The following SLAIN1 variants were observed in gnomAD, a reference collection of about 807,000 sequenced individuals.
SLAIN1 encodes the protein SLAIN family member 1.
Under a neutral mutation model 55.4 loss-of-function variants are expected in SLAIN1, and 17 were observed. That is an observed-to-expected ratio of 0.31 (90% confidence interval 0.21 to 0.46). The LOEUF (loss-of-function observed/expected upper bound fraction) is 0.46. SLAIN1 is among the 20% of genes least tolerant of loss of function. The probability of loss-of-function intolerance (pLI) is 1.00; values close to 1 mark genes in which losing one functional copy is unlikely to be tolerated. For missense variants in SLAIN1, 682 were observed against 785.1 expected, an observed-to-expected ratio of 0.87 and a Z score of 1.57; for synonymous variants, 348 against 337.4, an observed-to-expected ratio of 1.03 and a Z score of -0.35.
chr13:77,719,410 T>G (rs1212449487), intron 1 of SLAIN1, 122 bp from the exon 2 acceptor site: 1 of 607,838 alleles, frequency 1.6e-6, no homozygotes, highest in Non-Finnish European at 2.7e-6. Context: ...TTCTGATACT[T>G]TGAAGTCATC....
chr13:77,724,388 G>A (rs2154409815), intron 2 of SLAIN1, among the ~76,000 whole-genome samples: 1 of 152,242 alleles, frequency 6.6e-6, no homozygotes, highest in African/African-American at 2.4e-5. Context: ...ATAGAACAGA[G>A]GATGTCAAAA....
chr13:77,708,275 A>G (rs1369209915), intron 1 of SLAIN1, among the ~76,000 whole-genome samples: 1 of 152,218 alleles, frequency 6.6e-6, no homozygotes, highest in African/African-American at 2.4e-5. Context: ...AAAGGACTCT[A>G]TCAAAAAAAG....
chr13:77,708,703 A>G (rs2091114788), intron 1 of SLAIN1, among the ~76,000 whole-genome samples: 1 of 152,206 alleles, frequency 6.6e-6, no homozygotes, highest in Non-Finnish European at 1.5e-5. Flanking sequence ...ACAAACAGAA[A>G]GGAATAGCAT....
At chr13:77,716,827 G>C (rs775253611) in intron 1 of SLAIN1, among the ~76,000 whole-genome samples, 1 of 152,052 alleles carries the variant, frequency 6.6e-6, no homozygotes, top group Non-Finnish European at 1.5e-5. Context: ...AATAAAGACA[G>C]ATTTACTTGT....
chr13:77,720,024 A>G (rs1015609873), intron 2 of SLAIN1, among the ~76,000 whole-genome samples: 1 of 152,108 alleles, frequency 6.6e-6, no homozygotes, highest in Non-Finnish European at 1.5e-5. Flanking sequence ...TCTAAGGCAG[A>G]AAACAGGATT....
At chr13:77,738,943 A>G (rs17777017) in intron 2 of SLAIN1, among the ~76,000 whole-genome samples, 2,850 of 152,132 alleles carry the variant, frequency 0.019, 35 homozygotes, top group Middle Eastern at 0.031. Flanking sequence ...GCCTTCTTGC[A>G]TGGTTTTCCA....
At chr13:77,705,987 A>G (rs1300167664) in intron 1 of SLAIN1, among the ~76,000 whole-genome samples, 1 of 152,048 alleles carries the variant, frequency 6.6e-6, no homozygotes, top group Non-Finnish European at 1.5e-5. Flanking sequence ...TAGCACCTCA[A>G]CAGTTTTATC....
In SLAIN1 at chr13:77,746,654, C is replaced by G. The variant is rs1258416248; in HGVS notation, c.1057C>G (p.His353Asp). The change falls in exon 4 of 7, where the codon CAT becomes GAT. Residue 353 changes from histidine (H) to aspartate (D), a missense_variant. Physicochemically the swap from His to Asp is moderately conservative, Grantham distance 81. Coordinates refer to ENST00000418532, the MANE Select transcript of SLAIN1 (RefSeq NM_001242868.2). ...YSLEDEEEFD[H>D]LPPPQPRLPR... is the part of the protein sequence containing the mutation. The stretch of plus-strand genomic sequence containing the variant: ...TCTGGAGGATGAAGAGGAATTTGAT[C>G]ATTTGCCACCACCTCAGCCTCGTCT... 6.2e-7 allele frequency: 1 copy of G among 1,613,734 alleles called. No individual in the cohort carries two copies. The highest frequency in any genetic ancestry group is 1.7e-5 in the Admixed American group (1 of 59,944).
chr13:77,701,643 G>A (rs946551964), intron 1 of SLAIN1, among the ~76,000 whole-genome samples: 2 of 152,002 alleles, frequency 1.3e-5, no homozygotes, highest in Non-Finnish European at 2.9e-5. Flanking sequence ...CTTGAATGTT[G>A]CCTTAATACT....
At chr13:77,700,053 A>G (rs2091015692) in intron 1 of SLAIN1, among the ~76,000 whole-genome samples, 1 of 152,196 alleles carries the variant, frequency 6.6e-6, no homozygotes, top group South Asian at 2.1e-4. Flanking sequence ...GGGGAGATAT[A>G]TGGGATCAGT....
chr13:77,748,479 C>T (rs998868067), intron 4 of SLAIN1, among the ~76,000 whole-genome samples: 2 of 140,874 alleles, frequency 1.4e-5, no homozygotes, highest in Non-Finnish European at 3.0e-5. Context: ...GCTAGCTCTG[C>T]ATCTTGATTG....
chr13:77,705,096 A>T (rs1352121259), intron 1 of SLAIN1, among the ~76,000 whole-genome samples: 1 of 151,622 alleles, frequency 6.6e-6, no homozygotes, highest in Non-Finnish European at 1.5e-5. Flanking sequence ...TTGTGTGTAT[A>T]CATATGTGAC....
Position 77,698,841 on chromosome 13 carries a change from G to A in SLAIN1, c.626+302G>A. 6.7e-7 allele frequency: 1 copy of A among 1,487,454 alleles called. No individual in the cohort carries two copies. Among genetic ancestry groups the A allele is most frequent in the African/African-American group, 1.4e-5 (1 of 72,092 alleles). The allele number at this position is 1,487,454 out of a possible 1,614,324, so 92.1% of individuals were successfully genotyped here. A position where few individuals can be genotyped will look rare whatever the true frequency, so the allele number is the denominator to read the frequency against. On this transcript the variant is annotated intron_variant, in intron 1 of 6. Coordinates refer to ENST00000418532, the MANE Select transcript of SLAIN1 (RefSeq NM_001242868.2). The surrounding 1 kb of genome is among the most constrained non-coding windows in gnomAD (Gnocchi z 4.1). ...TTGTTGGGTCCCAAGCTCCTCGTTA[G>A]CATTAAGTGCAAAATCCATGTCATC...
chr13:77,728,147 A>C (rs1210179423), intron 2 of SLAIN1, among the ~76,000 whole-genome samples: 1 of 152,160 alleles, frequency 6.6e-6, no homozygotes, highest in Non-Finnish European at 1.5e-5. Context: ...TTCCATTTCT[A>C]ACTCGCCCAT....
chr13:77,745,933 T>G (rs1873781999), intron 3 of SLAIN1, among the ~76,000 whole-genome samples: 1 of 152,066 alleles, frequency 6.6e-6, no homozygotes, highest in African/African-American at 2.4e-5. Flanking sequence ...TTTAGATGAT[T>G]ACCTTATAGG....
intron 1 of SLAIN1, among the ~76,000 whole-genome samples, chr13:77,704,343 A>G (rs1182241288): frequency 7.9e-6 from 1 of 126,630 alleles, no homozygotes; most frequent in Non-Finnish European, 1.6e-5. Context: ...TTATATGTAT[A>G]TATACATAGA....
intron 2 of SLAIN1, among the ~76,000 whole-genome samples, chr13:77,726,902 A>G (rs995991576): frequency 1.3e-5 from 2 of 152,198 alleles, no homozygotes; most frequent in African/African-American, 4.8e-5. Flanking sequence ...AAGGAAATAG[A>G]TATTTGTAAA....
chr13:77,743,631 A>G (rs1172767957), intron 2 of SLAIN1, among the ~76,000 whole-genome samples: 1 of 151,664 alleles, frequency 6.6e-6, no homozygotes, highest in Non-Finnish European at 1.5e-5. Context: ...TTCCATTCCT[A>G]TAGCCTTCTT....
At chr13:77,711,329 C>G (rs2091148150) in intron 1 of SLAIN1, among the ~76,000 whole-genome samples, 1 of 151,880 alleles carries the variant, frequency 6.6e-6, no homozygotes, top group Non-Finnish European at 1.5e-5. Context: ...GACCGCTAGC[C>G]AGACTATTAA....
Sources: allele counts gnomAD v4.1 joint callset (sites outside exome capture counted in the v4.1 genomes callset), GRCh38; gene constraint gnomAD v4.1.1; non-coding constraint Gnocchi (gnomAD v3.1); transcripts MANE v1.5; gene names NCBI Gene and HGNC (gene_info 2026-07-23, HGNC 2026-07-21).